The following CPNE8 variants were observed in gnomAD, a reference collection of about 807,000 sequenced individuals.
The protein encoded by CPNE8 is copine-8.
CPNE8 carries 45 observed loss-of-function variants against 81.5 expected under a neutral mutation model. The ratio of observed to expected loss-of-function variants is 0.55; its 90% CI spans 0.44 to 0.71. The LOEUF (loss-of-function observed/expected upper bound fraction) is 0.71. Ranked by LOEUF, CPNE8 falls within the 30% of genes least tolerant of loss-of-function variation. The probability of loss-of-function intolerance (pLI) is 0.00; values close to 1 mark genes in which losing one functional copy is unlikely to be tolerated. For synonymous variants in CPNE8, 252 were observed against 226.3 expected, an observed-to-expected ratio of 1.11 and a Z score of -1.02; for missense variants, 594 against 672.1, an observed-to-expected ratio of 0.88 and a Z score of 1.28.
intron 18 of CPNE8, chr12:38,671,048 G>C (rs1361545772): frequency 2.5e-6 from 1 of 393,564 alleles, no homozygotes; most frequent in African/African-American, 2.1e-5. Flanking sequence ...CCAGTCTCTG[G>C]GTCTATCTCT....
intron 10 of CPNE8, among the ~76,000 whole-genome samples, chr12:38,753,193 T>C (rs1264469081): frequency 6.6e-6 from 1 of 152,200 alleles, no homozygotes; most frequent in Non-Finnish European, 1.5e-5. Flanking sequence ...GGCTCATGCC[T>C]GTAATCTCAG....
intron 19 of CPNE8, among the ~76,000 whole-genome samples, chr12:38,657,258 C>T (rs1191016036): frequency 1.3e-5 from 2 of 152,192 alleles, no homozygotes; most frequent in Admixed American, 6.5e-5. Flanking sequence ...CCCATTCCCA[C>T]AGAGCCTTGC....
intron 16 of CPNE8, chr12:38,679,530 GTGTGACTGTCACTACTGC>G (rs1357489036): frequency 1.1e-6 from 1 of 947,068 alleles, no homozygotes; most frequent in Non-Finnish European, 1.3e-6. Context: ...TGAGTTTATT[GTGTGACTGTCACTACTGC>G]TAGGCATATG....
chr12:38,845,865 T>G (rs1943551050), intron 4 of CPNE8, among the ~76,000 whole-genome samples: 1 of 152,166 alleles, frequency 6.6e-6, no homozygotes, highest in African/African-American at 2.4e-5. Context: ...GCCCTAATTG[T>G]TTGAACTTTT....
chr12:38,743,239 A>C (rs1941150598), intron 10 of CPNE8, among the ~76,000 whole-genome samples: 1 of 152,082 alleles, frequency 6.6e-6, no homozygotes, highest in Non-Finnish European at 1.5e-5. Context: ...CCAAATAATG[A>C]TATTACAACC....
chr12:38,855,921 A>C (rs1382363676), intron 3 of CPNE8, among the ~76,000 whole-genome samples: 1 of 152,038 alleles, frequency 6.6e-6, no homozygotes, highest in Non-Finnish European at 1.5e-5. Flanking sequence ...GACAGAAAGG[A>C]ACCAAAGAAC....
At chr12:38,818,397 G>A (rs771213626) in intron 6 of CPNE8, among the ~76,000 whole-genome samples, 5 of 152,112 alleles carry the variant, frequency 3.3e-5, no homozygotes, top group Non-Finnish European at 5.9e-5. Flanking sequence ...TCGGTTTTCT[G>A]TTCCTGTGTT....
chr12:38,675,273 T>C (rs1032946693), intron 18 of CPNE8, among the ~76,000 whole-genome samples: 70 of 152,198 alleles, frequency 4.6e-4, no homozygotes, highest in African/African-American at 1.5e-3. Flanking sequence ...CCCATTAAAT[T>C]AGCATATTAT....
intron 4 of CPNE8, among the ~76,000 whole-genome samples, chr12:38,841,844 A>T (rs1460088994): frequency 6.6e-6 from 1 of 152,122 alleles, no homozygotes; most frequent in Non-Finnish European, 1.5e-5. Flanking sequence ...AAGTCCTGTG[A>T]CTTCCTTTCC....
chr12:38,834,642 C>G (rs1218075908), intron 5 of CPNE8, among the ~76,000 whole-genome samples: 1 of 152,124 alleles, frequency 6.6e-6, no homozygotes. Context: ...CTTCCTCAAC[C>G]CCATTCTCCA....
intron 11 of CPNE8, 121 bp from the exon 12 acceptor site, chr12:38,725,020 A>G (rs1463727132): frequency 1.1e-6 from 1 of 882,206 alleles, no homozygotes; most frequent in Non-Finnish European, 1.8e-6. Context: ...ATTCATTTAC[A>G]AATGCTTTCA....
chr12:38,693,728 T>G lies in CPNE8; in HGVS notation c.1072A>C (p.Lys358Gln), dbSNP rs146958846. The G allele has an allele frequency of 1.9e-6, 3 of 1,613,652 alleles. No individual in the cohort carries two copies. Among genetic ancestry groups the G allele is most frequent in the Non-Finnish European group, 2.5e-6 (3 of 1,179,782 alleles). ...CCAAATCCTAGAGCTGGAAACATTT[T>G]ATCACTGTCATAATCTTGAACAATT... ...GEIVQDYDSD[K>Q]MFPALGFGAK... Residue 358 changes from lysine (K) to glutamine (Q), a missense_variant, in exon 15 of 20, where the codon AAA (lysine) becomes CAA (glutamine). By Grantham distance (53) the Lys-to-Gln change is moderately conservative. Coordinates refer to ENST00000331366, the MANE Select transcript of CPNE8 (RefSeq NM_153634.3).
chr12:38,666,628 T>A (rs1023712034), intron 19 of CPNE8, among the ~76,000 whole-genome samples: 5 of 151,996 alleles, frequency 3.3e-5, no homozygotes, highest in African/African-American at 1.2e-4. Flanking sequence ...GCAAGAACCA[T>A]GGAAATGTAT....
rs141558836 is a variant in CPNE8, at chr12:38,882,941, T to C, written c.99-8430A>G. Among the ~76,000 whole-genome samples, 160 of 152,290 alleles carry C rather than the reference T, an allele frequency of 1.1e-3. 1 individual carries two copies. Among genetic ancestry groups the C allele is most frequent in the African/African-American group, 3.6e-3 (148 of 41,572 alleles). ...CCCCTTTCCTGCTAGGAAATGAGAA[T>C]TCCTCTTTCAGCCTCTCTCCATGGC... On this transcript the variant is annotated intron_variant, in intron 1 of 19. Coordinates refer to ENST00000331366, the MANE Select transcript of CPNE8 (RefSeq NM_153634.3).
intron 1 of CPNE8, among the ~76,000 whole-genome samples, chr12:38,882,265 C>T (rs1944170985): frequency 1.3e-5 from 2 of 152,106 alleles, no homozygotes; most frequent in Non-Finnish European, 2.9e-5. Context: ...ACAGTGACAG[C>T]ACAGAGAGAG....
At chr12:38,706,756 G>A (rs1046963485) in intron 13 of CPNE8, among the ~76,000 whole-genome samples, 11 of 152,124 alleles carry the variant, frequency 7.2e-5, no homozygotes, top group African/African-American at 2.4e-4. Context: ...AACAGTGTCT[G>A]CACAATGCTT....
chr12:38,742,291 A>G (rs1413577380), intron 10 of CPNE8, among the ~76,000 whole-genome samples: 3 of 152,160 alleles, frequency 2.0e-5, no homozygotes, highest in Non-Finnish European at 4.4e-5. Flanking sequence ...ATGTCCATCA[A>G]TGATAGACTG....
At chr12:38,818,964 A>G (rs1222848411) in intron 6 of CPNE8, among the ~76,000 whole-genome samples, 1 of 152,134 alleles carries the variant, frequency 6.6e-6, no homozygotes, top group African/African-American at 2.4e-5. Context: ...TACTTTGCCC[A>G]CTTTTTGATA....
At chr12:38,906,043 G>T, upstream of CPNE8, 1 of 987,092 alleles carries the variant, frequency 1.0e-6, no homozygotes. Context: ...GGAAGGTCTC[G>T]AAGTTTCCTC....
Sources: allele counts gnomAD v4.1 joint callset (sites outside exome capture counted in the v4.1 genomes callset), GRCh38; gene constraint gnomAD v4.1.1; transcripts MANE v1.5; gene names NCBI Gene and HGNC (gene_info 2026-07-23, HGNC 2026-07-21).